The following MCC variants were observed in gnomAD, a reference collection of about 807,000 sequenced individuals.
MCC encodes the protein MCC regulator of Wnt signaling pathway.
A neutral mutation model predicts 116.2 loss-of-function variants in MCC; 90 were observed. The ratio of observed to expected loss-of-function variants is 0.77; its 90% confidence interval spans 0.65 to 0.92. The LOEUF (loss-of-function observed/expected upper bound fraction) is 0.92. Ranked by LOEUF, MCC falls within the 40% of genes least tolerant of loss-of-function variation. The pLI, the probability that MCC is intolerant of heterozygous loss-of-function variation, is 0.00. For synonymous variants in MCC, 578 were observed against 510.5 expected, an observed-to-expected ratio of 1.13 and a Z score of -1.78; for missense variants, 1,516 against 1,312.2, an observed-to-expected ratio of 1.16 and a Z score of -2.40.
intron 3 of MCC, among the ~76,000 whole-genome samples, chr5:113,175,023 A>T (rs1485166600): frequency 6.6e-6 from 1 of 152,184 alleles, no homozygotes; most frequent in Admixed American, 6.5e-5. Context: ...AATAAACACC[A>T]AATTGTTAAT....
chr5:113,398,470 CAT>C (rs1769593037), intron 1 of MCC, among the ~76,000 whole-genome samples: 1 of 152,134 alleles, frequency 6.6e-6, no homozygotes, highest in Non-Finnish European at 1.5e-5. Flanking sequence ...AGAAAATGCA[CAT>C]ATATACCATG....
chr5:113,051,618 G>A (rs114668667), intron 15 of MCC, among the ~76,000 whole-genome samples: 227 of 152,224 alleles, frequency 1.5e-3, no homozygotes, highest in Non-Finnish European at 2.7e-3. Flanking sequence ...CCGGCTACTC[G>A]GGAGGCTGAG....
intron 1 of MCC, among the ~76,000 whole-genome samples, chr5:113,418,732 T>C (rs1039063489): frequency 6.6e-5 from 10 of 151,826 alleles, no homozygotes; most frequent in Non-Finnish European, 1.2e-4. Context: ...TACAAGAAAG[T>C]AGCCATTTAG....
At chr5:113,402,411 C>T (rs1769719197) in intron 1 of MCC, among the ~76,000 whole-genome samples, 1 of 151,938 alleles carries the variant, frequency 6.6e-6, no homozygotes, top group African/African-American at 2.4e-5. Context: ...CTCTCAGCCT[C>T]CCAAAGAGGT....
intron 12 of MCC, among the ~76,000 whole-genome samples, chr5:113,069,429 T>C (rs373682684): frequency 2.0e-5 from 3 of 152,244 alleles, no homozygotes; most frequent in Admixed American, 6.5e-5. Context: ...AGGTGGAACA[T>C]GTGTACAGCA....
intron 1 of MCC, chr5:113,448,216 AG>A (rs1394641155): frequency 2.0e-5 from 3 of 152,234 alleles, no homozygotes; most frequent in Non-Finnish European, 4.4e-5. Flanking sequence ...GAGGATCCAC[AG>A]GATGGGCAGG....
In MCC at chr5:113,116,845, A is replaced by AC. The variant is rs1421205238; in HGVS notation, c.1027+5838dup. On this transcript the variant is annotated intron_variant, in intron 6 of 18. Coordinates refer to ENST00000408903, the MANE Select transcript of MCC (RefSeq NM_001085377.2). ...GATCCCTAGGAGAAAACACACAGTC[A>AC]CCCCAGAGAGTGCTCCAGTGAATCA... Among the ~76,000 whole-genome samples the AC allele has an allele frequency of 1.1e-4, 17 of 152,290 alleles. No individual in the cohort carries two copies. In the East Asian group the frequency reaches 2.7e-3, roughly 24 times the overall value.
intron 2 of MCC, among the ~76,000 whole-genome samples, chr5:113,361,392 G>A (rs570076315): frequency 5.9e-5 from 9 of 152,144 alleles, no homozygotes; most frequent in African/African-American, 2.2e-4. Context: ...TAGAATGGAT[G>A]CTCAACTCAG....
chr5:113,424,844 C>A (rs566522793), intron 1 of MCC, among the ~76,000 whole-genome samples: 3 of 151,122 alleles, frequency 2.0e-5, no homozygotes, highest in African/African-American at 7.3e-5. Context: ...GAGAAAATCT[C>A]CCAGAAAATA....
intron 3 of MCC, among the ~76,000 whole-genome samples, chr5:113,319,475 T>A (rs970476007): frequency 6.6e-6 from 1 of 152,216 alleles, no homozygotes; most frequent in Non-Finnish European, 1.5e-5. Flanking sequence ...ATTCACTGTG[T>A]CTTCCACCTG....
intron 1 of MCC, among the ~76,000 whole-genome samples, chr5:113,452,655 A>G (rs917698644): frequency 6.6e-6 from 1 of 152,238 alleles, no homozygotes; most frequent in Non-Finnish European, 1.5e-5. Flanking sequence ...AGCAGCCTAA[A>G]CAGACTAAGA....
chr5:113,038,711 A>T (rs6594658), intron 17 of MCC, among the ~76,000 whole-genome samples: 3 of 151,998 alleles, frequency 2.0e-5, no homozygotes, highest in Admixed American at 1.3e-4. Flanking sequence ...CTGACCAGAC[A>T]AGGCCCTCCT....
chr5:113,188,967 G>C (rs75782995), intron 3 of MCC, among the ~76,000 whole-genome samples: 1 of 152,158 alleles, frequency 6.6e-6, no homozygotes, highest in East Asian at 1.9e-4. Context: ...ATGTGAGAAG[G>C]GGAACCCTTG....
intron 17 of MCC, among the ~76,000 whole-genome samples, chr5:113,030,659 C>T (rs1001047383): frequency 3.9e-5 from 6 of 152,244 alleles, no homozygotes; most frequent in African/African-American, 9.6e-5. Context: ...GCTTGGGTGA[C>T]GGAGTGAGAC....
Position 113,046,685 on chromosome 5 carries a change from C to CAAAAAAAAAAAAAAAAAAAAAAAA in MCC, c.2655+2384_2655+2407dup, listed in dbSNP as rs151183145. ...ACTGACTGCTAACAAACTCAAAAGG[C>CAAAAAAAAAAAAAAAAAAAAAAAA]AAAAAAAAAAAAAAAAAAAAAAAAA... is the stretch of plus-strand genomic sequence containing the variant. On this transcript the variant is annotated intron_variant, in intron 16 of 18. Coordinates refer to ENST00000408903, the MANE Select transcript of MCC (RefSeq NM_001085377.2). Among the ~76,000 whole-genome samples, 73 of 58,386 alleles carry CAAAAAAAAAAAAAAAAAAAAAAAA rather than the reference C, an allele frequency of 1.3e-3. 4 individuals are homozygous for CAAAAAAAAAAAAAAAAAAAAAAAA. The highest frequency in any genetic ancestry group is 2.9e-3 in the East Asian group (6 of 2,034). 38.3% of individuals were successfully genotyped at this position (58,386 alleles called of 152,430 possible).
At chr5:113,398,062 G>A (rs1237147062) in intron 1 of MCC, among the ~76,000 whole-genome samples, 1 of 152,200 alleles carries the variant, frequency 6.6e-6, no homozygotes, top group Non-Finnish European at 1.5e-5. Flanking sequence ...AGACACGCAA[G>A]TGGCCAACAA....
chr5:113,233,370 C>T (rs1368516653), intron 3 of MCC, among the ~76,000 whole-genome samples: 2 of 152,072 alleles, frequency 1.3e-5, no homozygotes. Flanking sequence ...AATGTCTACC[C>T]CAAATGCCTC....
chr5:113,060,275 C>T (rs1233073795), intron 14 of MCC, among the ~76,000 whole-genome samples: 1 of 152,112 alleles, frequency 6.6e-6, no homozygotes, highest in African/African-American at 2.4e-5. Context: ...CTGCCTCAGC[C>T]TCCTGAGTAG....
chr5:113,475,887 T>C (rs1772223073), intron 1 of MCC, among the ~76,000 whole-genome samples: 1 of 152,234 alleles, frequency 6.6e-6, no homozygotes, highest in Non-Finnish European at 1.5e-5. Context: ...CAAGAAGCTA[T>C]GTTACCTTAG....
Sources: gnomAD v4.1 joint callset for allele counts (sites outside exome capture counted in the v4.1 genomes callset) on GRCh38, gnomAD v4.1.1 for gene constraint, MANE v1.5 for transcripts, NCBI Gene and HGNC (gene_info 2026-07-23, HGNC 2026-07-21) for gene names.